Variants in USP45 observed in about 807,000 individuals in gnomAD.
The protein encoded by USP45 is ubiquitin carboxyl-terminal hydrolase 45.
Under a neutral mutation model 95.8 loss-of-function variants are expected in USP45, and 89 were observed. That is an observed-to-expected ratio of 0.93 (90% CI 0.78 to 1.11). The LOEUF is 1.11. USP45 is among the 50% of genes least tolerant of loss of function. USP45 has a pLI of 0.00. For missense variants in USP45, 898 were observed against 942.5 expected, an observed-to-expected ratio of 0.95 and a Z score of 0.62; for synonymous variants, 281 against 316.2, an observed-to-expected ratio of 0.89 and a Z score of 1.18.
At chr6:99,483,629 G>C (rs1005396469) in intron 7 of USP45, among the ~76,000 whole-genome samples, 3 of 151,808 alleles carry the variant, frequency 2.0e-5, no homozygotes, top group African/African-American at 4.8e-5. Flanking sequence ...ATGAGGTCAG[G>C]AGATCGAGAC....
intron 1 of USP45, among the ~76,000 whole-genome samples, chr6:99,511,969 G>A (rs187634287): frequency 2.7e-5 from 4 of 149,324 alleles, no homozygotes; most frequent in Admixed American, 1.3e-4. Flanking sequence ...TTAAAAATAA[G>A]CACATTCTCC....
chr6:99,513,700 T>C (rs535887905), intron 1 of USP45, among the ~76,000 whole-genome samples: 1 of 152,208 alleles, frequency 6.6e-6, no homozygotes, highest in Admixed American at 6.5e-5. Flanking sequence ...AACTTGGTAA[T>C]GTAGAGGCAA....
intron 1 of USP45, chr6:99,514,954 T>G (rs1800821282): frequency 6.6e-6 from 1 of 152,112 alleles, no homozygotes; most frequent in African/African-American, 2.4e-5. Flanking sequence ...AAGCGGTGGA[T>G]GGAGATGCGG....
chr6:99,461,237 C>G (rs1408992268), intron 13 of USP45: 1 of 985,126 alleles, frequency 1.0e-6, no homozygotes, highest in East Asian at 1.1e-4. Flanking sequence ...TTGAGATTTT[C>G]CAGTCTCTAC....
At chr6:99,504,426 T>C (rs941640299) in intron 4 of USP45, among the ~76,000 whole-genome samples, 2 of 152,056 alleles carry the variant, frequency 1.3e-5, no homozygotes, top group African/African-American at 4.8e-5. Flanking sequence ...CGGTGTGAGC[T>C]ACCACACCCA....
At chr6:99,450,919 AC>A (rs1191919088) in intron 13 of USP45, among the ~76,000 whole-genome samples, 1 of 152,190 alleles carries the variant, frequency 6.6e-6, no homozygotes, top group African/African-American at 2.4e-5. Context: ...TATAAACAGA[AC>A]CAAAGACAAA....
chr6:99,496,740 G>A (rs1247298998), intron 5 of USP45, among the ~76,000 whole-genome samples: 1 of 151,810 alleles, frequency 6.6e-6, no homozygotes, highest in Non-Finnish European at 1.5e-5. Context: ...GAGACTTTCA[G>A]AGGACAATGG....
At chr6:99,437,640 C>T (rs1178921468) in intron 16 of USP45, among the ~76,000 whole-genome samples, 3 of 152,086 alleles carry the variant, frequency 2.0e-5, no homozygotes, top group Non-Finnish European at 4.4e-5. Context: ...AATCCCTATG[C>T]AGGGATGTTT....
intron 5 of USP45, among the ~76,000 whole-genome samples, chr6:99,496,389 C>A (rs1796299213): frequency 1.3e-5 from 2 of 151,524 alleles, no homozygotes; most frequent in African/African-American, 4.9e-5. Flanking sequence ...AACATACCAC[C>A]ACTTACTTTC....
chr6:99,442,391 C>T (rs1781690101), intron 15 of USP45, among the ~76,000 whole-genome samples: 1 of 152,218 alleles, frequency 6.6e-6, no homozygotes. Flanking sequence ...AGAACTTAAT[C>T]TAATCTGTGG....
chr6:99,443,698 C>A, intron 14 of USP45, 36 bp from the exon 15 acceptor site: 4 of 1,261,834 alleles, frequency 3.2e-6, no homozygotes, highest in Non-Finnish European at 4.4e-6. Context: ...TATAAAATTC[C>A]ATTTTATACA....
At chr6:99,437,161 C>A (rs924562409) in intron 17 of USP45, 85 bp downstream of exon 17, 2 of 1,360,422 alleles carry the variant, frequency 1.5e-6, no homozygotes, top group Non-Finnish European at 2.0e-6. Flanking sequence ...CTAGAGGCAT[C>A]TATGAAATAA....
chr6:99,458,584 G>C (rs1785618990), intron 13 of USP45, among the ~76,000 whole-genome samples: 1 of 152,192 alleles, frequency 6.6e-6, no homozygotes, highest in Admixed American at 6.5e-5. Flanking sequence ...CTACTTGTAT[G>C]ATCTTAGGCA....
intron 13 of USP45, chr6:99,461,376 T>C (rs1374117231): frequency 2.0e-6 from 2 of 985,412 alleles, no homozygotes; most frequent in East Asian, 1.1e-4. Context: ...CATTTTACCT[T>C]AGTTTTTGGT....
intron 14 of USP45, among the ~76,000 whole-genome samples, chr6:99,444,464 A>C (rs1008390179): frequency 2.6e-5 from 4 of 152,112 alleles, no homozygotes; most frequent in African/African-American, 7.2e-5. Flanking sequence ...TTAACATTGG[A>C]GGGACAACCC....
intron 13 of USP45, among the ~76,000 whole-genome samples, chr6:99,452,854 A>G (rs1175657045): frequency 2.0e-5 from 3 of 152,236 alleles, no homozygotes. Flanking sequence ...GCCATAAAAA[A>G]GGATGAGTTC....
In USP45 at chr6:99,465,566, C is replaced by A. The variant is rs1248290129; in HGVS notation, c.1108-430G>T. On this transcript the variant is annotated intron_variant, in intron 11 of 17. Coordinates refer to ENST00000500704, the MANE Select transcript of USP45 (RefSeq NM_001346022.3). ...AGATAATTTTGTTTTAAAAGATACT[C>A]TCTATCTTGTGAGAGAGAAAACAAC... 2.0e-5 allele frequency among the ~76,000 whole-genome samples: 3 copies of A among 152,098 alleles called. No individual in the cohort carries two copies. In the East Asian group the frequency reaches 5.8e-4, roughly 29 times the overall value.
rs538244186 is a variant in USP45 at position 99,485,473 on chromosome 6, T to C, written c.715-2590A>G. ...GAAGCCAAATGCAAAATAATGTATA[T>C]AGTAAGATTCCATTTATATGCAGTA... On this transcript the variant is annotated intron_variant, in intron 7 of 17. Transcript: ENST00000500704. Among the ~76,000 whole-genome samples the C allele has an allele frequency of 7.2e-5, 11 of 152,328 alleles. No individual in the cohort carries two copies. In the East Asian group the frequency reaches 2.1e-3, roughly 29 times the overall value.
intron 7 of USP45, among the ~76,000 whole-genome samples, chr6:99,484,618 G>C (rs1793380451): frequency 6.6e-6 from 1 of 151,964 alleles, no homozygotes. Flanking sequence ...GGCAACATAG[G>C]GAGACTCCGT....
Sources: gnomAD v4.1 joint callset for allele counts (sites outside exome capture counted in the v4.1 genomes callset) on GRCh38, gnomAD v4.1.1 for gene constraint, MANE v1.5 for transcripts, NCBI Gene and HGNC (gene_info 2026-07-23, HGNC 2026-07-21) for gene names.